Variants in PTPN4 observed in about 807,000 individuals in gnomAD.
PTPN4 encodes the protein protein tyrosine phosphatase non-receptor type 4.
PTPN4 carries 49 observed loss-of-function variants against 135.5 expected under a neutral mutation model. The observed-to-expected ratio is 0.36, with a 90% CI of 0.29 to 0.46. The LOEUF is 0.46. Among genes scored for constraint, PTPN4 ranks in the 20% least tolerant of loss-of-function variants. PTPN4 has a pLI of 1.00. For missense variants in PTPN4, 860 were observed against 1,101.0 expected (o/e 0.78, Z 3.10); for synonymous variants, 333 against 369.9 (o/e 0.90, Z 1.14).
At chr2:119,964,428 T>C (rs1415710594) in intron 24 of PTPN4, among the ~76,000 whole-genome samples, 1 of 152,250 alleles carries the variant, frequency 6.6e-6, no homozygotes, top group East Asian at 1.9e-4. Flanking sequence ...TTTGACTTTG[T>C]GTTTTTATTA....
intron 1 of PTPN4, among the ~76,000 whole-genome samples, chr2:119,767,340 C>CT (rs761279374): frequency 2.6e-5 from 4 of 152,176 alleles, no homozygotes; most frequent in South Asian, 2.1e-4. Flanking sequence ...TTTCATTTGG[C>CT]TTTTTTCCTG....
At chr2:119,841,033 C>T (rs183098542) in intron 2 of PTPN4, among the ~76,000 whole-genome samples, 41 of 152,108 alleles carry the variant, frequency 2.7e-4, no homozygotes, top group African/African-American at 9.9e-4. Context: ...GTTGTTTACT[C>T]TGATAGGCTT....
At chr2:119,765,424 T>C (rs1476388971) in intron 1 of PTPN4, among the ~76,000 whole-genome samples, 1 of 152,244 alleles carries the variant, frequency 6.6e-6, no homozygotes, top group African/African-American at 2.4e-5. Context: ...TGAATATTTC[T>C]GTGCCAGATC....
chr2:119,952,567 G>A (rs886813585), intron 19 of PTPN4, among the ~76,000 whole-genome samples: 22 of 152,138 alleles, frequency 1.4e-4, no homozygotes, highest in African/African-American at 5.1e-4. Flanking sequence ...TGTAGTACTA[G>A]TACTCAATAA....
Position 119,809,676 on chromosome 2 carries a change from A to G in PTPN4, c.-17-161A>G, listed in dbSNP as rs1200996284. Among the ~76,000 whole-genome samples, 4 of 152,302 alleles carry G rather than the reference A, an allele frequency of 2.6e-5. No individual in the cohort carries two copies. The East Asian group carries it at 7.7e-4, about 29-fold the overall frequency. ...GGTAACTTTAGTTTGATGATGAACTATATATAACTTATACCTACAATTCTT... is the reference window on the plus strand; with the variant it reads ...GGTAACTTTAGTTTGATGATGAACTGTATATAACTTATACCTACAATTCTT... On this transcript the variant is annotated intron_variant, in intron 1 of 26. Transcript: ENST00000263708.
At position 119,760,400 on chromosome 2, in the gene PTPN4, G is replaced by A. The variant is rs895247464; in HGVS notation, c.-18+16G>A. 5.2e-6 allele frequency: 2 copies of A among 387,622 alleles called. No homozygotes were observed. Among genetic ancestry groups the A allele is most frequent in the Non-Finnish European group, 9.1e-6 (2 of 219,428 alleles). 24.0% of individuals were successfully genotyped at this position (387,622 alleles called of 1,614,324 possible). A position where few individuals can be genotyped will look rare whatever the true frequency, so the allele number is the denominator to read the frequency against. The stretch of plus-strand genomic sequence containing the variant: ...ATATACGAAGGTAAGAGGTTCTCCG[G>A]TCCCCGCCGGCCTCTCGGCCCTGCA... On this transcript the variant is annotated intron_variant, in intron 1 of 26. Coordinates refer to ENST00000263708, the MANE Select transcript of PTPN4 (RefSeq NM_002830.4).
chr2:119,787,629 A>T (rs1691068899), intron 1 of PTPN4, among the ~76,000 whole-genome samples: 1 of 152,200 alleles, frequency 6.6e-6, no homozygotes, highest in Non-Finnish European at 1.5e-5. Flanking sequence ...ATATTTTATT[A>T]AATAAATAAA....
chr2:119,928,965 T>G (rs1225484616), intron 13 of PTPN4, among the ~76,000 whole-genome samples: 1 of 152,170 alleles, frequency 6.6e-6, no homozygotes, highest in Non-Finnish European at 1.5e-5. Flanking sequence ...GAGTTATACC[T>G]GCATCTTAGT....
intron 15 of PTPN4, among the ~76,000 whole-genome samples, chr2:119,935,372 A>G (rs956477521): frequency 2.6e-5 from 4 of 152,212 alleles, no homozygotes; most frequent in Non-Finnish European, 5.9e-5. Context: ...TAATTTACCT[A>G]TGTAGATAGG....
At chr2:119,907,800 C>T (rs1574399162) in intron 10 of PTPN4, among the ~76,000 whole-genome samples, 1 of 152,072 alleles carries the variant, frequency 6.6e-6, no homozygotes. Flanking sequence ...AATAAATCCA[C>T]GTATTTACAG....
chr2:119,776,334 C>G (rs988200798), intron 1 of PTPN4, among the ~76,000 whole-genome samples: 4 of 152,124 alleles, frequency 2.6e-5, no homozygotes, highest in Non-Finnish European at 2.9e-5. Flanking sequence ...TGCCACCACG[C>G]CCGGCTAATT....
At chr2:119,823,466 C>T (rs535532740) in intron 2 of PTPN4, among the ~76,000 whole-genome samples, 1 of 152,278 alleles carries the variant, frequency 6.6e-6, no homozygotes, top group Admixed American at 6.5e-5. Context: ...ATCTCCTGAC[C>T]TCGTGATCCA....
At chr2:119,778,749 A>G (rs984565215) in intron 1 of PTPN4, among the ~76,000 whole-genome samples, 4 of 152,230 alleles carry the variant, frequency 2.6e-5, no homozygotes, top group Admixed American at 6.5e-5. Flanking sequence ...TATAAAATCT[A>G]TTTTGACATT....
intron 1 of PTPN4, among the ~76,000 whole-genome samples, chr2:119,807,308 C>G (rs1055713312): frequency 6.6e-6 from 1 of 151,912 alleles, no homozygotes; most frequent in African/African-American, 2.4e-5. Context: ...TTGAAAAGAT[C>G]AACAAATTGA....
rs147722617 is a variant in PTPN4, at chr2:119,866,171, G to C, written c.246+3528G>C. 1.6e-4 allele frequency among the ~76,000 whole-genome samples: 24 copies of C among 152,136 alleles called. No homozygotes were observed. In the East Asian group the frequency reaches 4.1e-3, roughly 26 times the overall value. On this transcript the variant is annotated intron_variant, in intron 3 of 26. Coordinates refer to ENST00000263708, the MANE Select transcript of PTPN4 (RefSeq NM_002830.4). ...TTCTTTAATTTTATGAGCAGTCAAA[G>C]GTGGCTTTTTCTTAGTGGTCTTTAT... is the stretch of plus-strand genomic sequence containing the variant.
At chr2:119,871,459 G>A (rs752233213) in intron 3 of PTPN4, among the ~76,000 whole-genome samples, 5 of 152,048 alleles carry the variant, frequency 3.3e-5, no homozygotes, top group South Asian at 2.1e-4. Context: ...CCCAGCTACC[G>A]GGGAGGCTGA....
At chr2:119,784,032 A>G (rs1690996836) in intron 1 of PTPN4, among the ~76,000 whole-genome samples, 1 of 152,090 alleles carries the variant, frequency 6.6e-6, no homozygotes, top group Admixed American at 6.5e-5. Context: ...GCACTTATGT[A>G]TGGTTTCTCT....
At chr2:119,830,031 CATTGTA>C (rs1677197042) in intron 2 of PTPN4, among the ~76,000 whole-genome samples, 1 of 151,900 alleles carries the variant, frequency 6.6e-6, no homozygotes, top group Non-Finnish European at 1.5e-5. Flanking sequence ...CAAGTGGTTA[CATTGTA>C]ACCATTGTAG....
At chr2:119,935,027 TG>T in intron 15 of PTPN4, 69 bp downstream of exon 15, 1 of 1,464,666 alleles carries the variant, frequency 6.8e-7, no homozygotes, top group African/African-American at 1.4e-5. Flanking sequence ...TAAAATAATC[TG>T]GGAAATTAGG....
Sources: allele counts gnomAD v4.1 joint callset (sites outside exome capture counted in the v4.1 genomes callset), GRCh38; gene constraint gnomAD v4.1.1; transcripts MANE v1.5; gene names NCBI Gene and HGNC (gene_info 2026-07-23, HGNC 2026-07-21).